The following CCT2 variants were observed in gnomAD, a reference collection of about 807,000 sequenced individuals.
CCT2 encodes T-complex protein 1 subunit beta.
A neutral mutation model predicts 61.8 loss-of-function variants in CCT2; 18 were observed. The observed-to-expected ratio is 0.29, with a 90% CI of 0.20 to 0.43. The LOEUF is 0.43. Ranked by LOEUF, CCT2 falls within the 20% of genes least tolerant of loss-of-function variation. The pLI is 1.00. For missense variants in CCT2, 556 were observed against 656.9 expected, an observed-to-expected ratio of 0.85 and a Z score of 1.68; for synonymous variants, 248 against 215.9, an observed-to-expected ratio of 1.15 and a Z score of -1.30.
intron 10 of CCT2, among the ~76,000 whole-genome samples, chr12:69,596,445 A>G (rs1046427004): frequency 2.2e-4 from 34 of 152,202 alleles, no homozygotes; most frequent in African/African-American, 8.2e-4. Flanking sequence ...TAGTTAGGAA[A>G]TAGGGAACGA....
At chr12:69,587,650 AAT>A (rs751957379) in intron 4 of CCT2, 34 bp downstream of exon 4, 25 of 1,296,868 alleles carry the variant, frequency 1.9e-5, no homozygotes, top group Non-Finnish European at 2.4e-5. Flanking sequence ...CCAACCTAAT[AAT>A]ACTGTTTGTT....
rs541564607 is a variant in CCT2 at position 69,592,115 on chromosome 12, A to G, written c.706A>G (p.Lys236Glu). 16 of 1,600,266 alleles carry G rather than the reference A, an allele frequency of 1.0e-5. 1 individual carries two copies. In the Admixed American group the frequency reaches 1.5e-4, roughly 15 times the overall value. ...VNQPKRIENAKILIANTGMDT... is the reference protein window; with the variant it reads ...VNQPKRIENAEILIANTGMDT... Reference sequence around the variant, plus strand: ...TCAACCAAAACGAATTGAAAATGCTAAAATTCTTATTGCAAATACTGGTAT... The same window carrying G: ...TCAACCAAAACGAATTGAAAATGCTGAAATTCTTATTGCAAATACTGGTAT... Residue 236 changes from lysine (K) to glutamate (E), a missense_variant, in exon 8 of 16, where the codon AAA (lysine) becomes GAA (glutamate). Lys to Glu is a moderately conservative substitution (Grantham distance 56). Around this residue, in one of 3 missense-constraint regions of CCT2, gnomAD observed 308 missense variants for 350.6 expected, o/e 0.88. Coordinates refer to ENST00000299300, the MANE Select transcript of CCT2 (RefSeq NM_006431.3).
At chr12:69,592,018 T>G in intron 7 of CCT2, 41 bp from the exon 8 acceptor site, 1 of 1,107,062 alleles carries the variant, frequency 9.0e-7, no homozygotes, top group Non-Finnish European at 1.4e-6. Flanking sequence ...TAAGGCTGCT[T>G]TGAAGTATTA....
Position 69,589,562 on chromosome 12 carries a change from A to G in CCT2, c.524A>G (p.His175Arg), listed in dbSNP as rs765054001. The change falls in exon 7 of 16, where the codon CAC becomes CGC. Residue 175 changes from histidine (H) to arginine (R), a missense_variant. Physicochemically the swap from His to Arg is conservative, Grantham distance 29. Coordinates refer to ENST00000299300, the MANE Select transcript of CCT2 (RefSeq NM_006431.3). ...TTATCCTCAAAACTTCTTACTCATC[A>G]CAAAGACCACTTTACAAAGTTAGCT... ...TTLSSKLLTH[H>R]KDHFTKLAVE... 1.2e-5 allele frequency: 19 copies of G among 1,614,120 alleles called. No individual in the cohort carries two copies. The highest frequency in any genetic ancestry group is 5.5e-5 in the South Asian group (5 of 91,092).
chr12:69,589,429 A>T (rs1160601437), intron 6 of CCT2, 56 bp from the exon 7 acceptor site: 27 of 1,261,480 alleles, frequency 2.1e-5, no homozygotes, highest in African/African-American at 3.0e-5. Context: ...GAATATCTAG[A>T]TAAATTTTGA....
In CCT2 at chr12:69,598,368, T is replaced by C. The variant is rs1216020455; in HGVS notation, c.1382T>C (p.Leu461Pro). ...ADNAGYDSAD[L>P]VAQLRAAHSE... ...AATGCAGGCTATGACAGTGCAGACC[T>C]GGTGGCACAGCTCAGGGCTGCTCAC... The change falls in exon 14 of 16, where the codon CTG becomes CCG. Residue 461 changes from leucine (L) to proline (P), a missense_variant. Around this residue, in one of 3 missense-constraint regions of CCT2, gnomAD observed 225 missense variants for 249.8 expected, o/e 0.90. Coordinates refer to ENST00000299300, the MANE Select transcript of CCT2 (RefSeq NM_006431.3). The C allele has an allele frequency of 6.2e-7, 1 of 1,606,106 alleles. No individual in the cohort carries two copies. The highest frequency in any genetic ancestry group is 1.7e-5 in the Admixed American group (1 of 58,438).
intron 11 of CCT2, 54 bp from the exon 12 acceptor site, chr12:69,597,584 T>C: frequency 6.3e-7 from 1 of 1,584,210 alleles, no homozygotes; most frequent in Non-Finnish European, 8.6e-7. Flanking sequence ...CCGGCATAAA[T>C]AATAGAAGGC....
intron 14 of CCT2, 141 bp downstream of exon 14, chr12:69,598,562 G>A (rs1339007755): frequency 4.3e-6 from 2 of 465,094 alleles, no homozygotes; most frequent in East Asian, 3.4e-5. Flanking sequence ...CATTACATGT[G>A]CTGGGAAAAT....
At chr12:69,587,407 A>G in intron 3 of CCT2, 98 bp from the exon 4 acceptor site, 1 of 668,904 alleles carries the variant, frequency 1.5e-6, no homozygotes, top group Non-Finnish European at 2.6e-6. Flanking sequence ...AGCTATCCAG[A>G]GTGTTTATAC....
chr12:69,591,809 C>T (rs1300464149), intron 7 of CCT2, among the ~76,000 whole-genome samples: 1 of 152,150 alleles, frequency 6.6e-6, no homozygotes, highest in Non-Finnish European at 1.5e-5. Flanking sequence ...TTCCTCCTCC[C>T]TCTTTTCTGC....
chr12:69,589,374 T>C (rs1881766867), intron 6 of CCT2, 111 bp from the exon 7 acceptor site: 2 of 704,850 alleles, frequency 2.8e-6, no homozygotes, highest in African/African-American at 3.6e-5. Flanking sequence ...TCTTTTCATA[T>C]AGCTTACAGA....
At chr12:69,594,138 CA>C (rs113074130) in intron 10 of CCT2, among the ~76,000 whole-genome samples, 5,716 of 134,050 alleles carry the variant, frequency 0.043, 320 homozygotes, top group African/African-American at 0.14. Flanking sequence ...GACCCTGTCT[CA>C]AAAAAAAAAA....
chr12:69,601,490 G>T lies in CCT2; in HGVS notation c.*165G>T. On this transcript the variant is annotated 3_prime_UTR_variant, in exon 16 of 16. Transcript: ENST00000299300. Reference sequence around the variant, plus strand: ...TTAACATAGGTCTAATTTATTTGCCGTGTCATTTTCCATACAAATCAGTTG... The same window carrying T: ...TTAACATAGGTCTAATTTATTTGCCTTGTCATTTTCCATACAAATCAGTTG... The T allele has an allele frequency of 2.0e-6, 3 of 1,485,406 alleles. No individual in the cohort carries two copies. The highest frequency in any genetic ancestry group is 2.7e-6 in the Non-Finnish European group (3 of 1,117,662). 92.0% of individuals were successfully genotyped at this position (1,485,406 alleles called of 1,614,324 possible).
At chr12:69,599,188 C>G (rs753545365) in intron 14 of CCT2, among the ~76,000 whole-genome samples, 2 of 151,776 alleles carry the variant, frequency 1.3e-5, no homozygotes, top group Non-Finnish European at 2.9e-5. Context: ...CTGGCTCAAG[C>G]AGTTCTCCTT....
At chr12:69,594,068 G>A (rs1029319279) in intron 10 of CCT2, among the ~76,000 whole-genome samples, 1 of 152,002 alleles carries the variant, frequency 6.6e-6, no homozygotes, top group Non-Finnish European at 1.5e-5. Flanking sequence ...GAGCCTGGGA[G>A]GCAGAGGTTG....
At chr12:69,588,356 C>A in intron 6 of CCT2, 94 bp downstream of exon 6, 4 of 854,556 alleles carry the variant, frequency 4.7e-6, no homozygotes, top group Middle Eastern at 4.7e-4. Flanking sequence ...AAAGCATACA[C>A]AAAGATCATC....
intron 1 of CCT2, 44 bp downstream of exon 1, chr12:69,585,568 G>A: frequency 6.4e-7 from 1 of 1,562,978 alleles, no homozygotes; most frequent in Non-Finnish European, 8.7e-7. Context: ...CTGCTCCGCC[G>A]TGCTCTTGCC....
chr12:69,586,822 A>G lies in CCT2; in HGVS notation c.144+4A>G. 6.4e-7 allele frequency: 1 copy of G among 1,554,682 alleles called. No homozygotes were observed. Among genetic ancestry groups the G allele is most frequent in the Non-Finnish European group, 8.7e-7 (1 of 1,144,302 alleles). On this transcript the variant is annotated splice_donor_region_variant and intron_variant, in intron 3 of 15. Coordinates refer to ENST00000299300, the MANE Select transcript of CCT2 (RefSeq NM_006431.3). Reference sequence around the variant, plus strand: ...CACCTTGGGACCCAAAGGCATGGTAAGAAAAATAGAAAAGTTTTATATTTT... The same window carrying G: ...CACCTTGGGACCCAAAGGCATGGTAGGAAAAATAGAAAAGTTTTATATTTT...
At position 69,592,314 on chromosome 12, in the gene CCT2, A is replaced by G. The variant is rs1389241060; in HGVS notation, c.750+155A>G. 3.7e-5 allele frequency: 5 copies of G among 136,704 alleles called. No individual in the cohort carries two copies. In the East Asian group the frequency reaches 4.4e-4, roughly 12 times the overall value. 8.5% of individuals were successfully genotyped at this position (136,704 alleles called of 1,614,324 possible). A position where few individuals can be genotyped will look rare whatever the true frequency, so the allele number is the denominator to read the frequency against. The stretch of plus-strand genomic sequence containing the variant: ...AACATGGAGAAACCCTGTCTCTACT[A>G]AAAAAAAAAAAATACAAAATTAGCT... On this transcript the variant is annotated intron_variant, in intron 8 of 15. Coordinates refer to ENST00000299300, the MANE Select transcript of CCT2 (RefSeq NM_006431.3).
Sources: gnomAD v4.1 joint callset for allele counts (sites outside exome capture counted in the v4.1 genomes callset) on GRCh38, gnomAD v4.1.1 for gene constraint, gnomAD v4.1.1 regional missense constraint, MANE v1.5 for transcripts, NCBI Gene and HGNC (gene_info 2026-07-23, HGNC 2026-07-21) for gene names.